The following FHAD1 variants were observed in gnomAD, a reference collection of about 807,000 sequenced individuals.
FHAD1 encodes forkhead-associated domain-containing protein 1.
Under a neutral mutation model 191.3 loss-of-function variants are expected in FHAD1, and 146 were observed. The ratio of observed to expected loss-of-function variants is 0.76; its 90% confidence interval spans 0.67 to 0.88. The LOEUF is 0.88. FHAD1 is among the 40% of genes least tolerant of loss of function. FHAD1 has a pLI of 0.00. For synonymous variants in FHAD1, 616 were observed against 672.3 expected (o/e 0.92, Z 1.29); for missense variants, 1,635 against 1,785.8 (o/e 0.92, Z 1.52).
chr1:15,270,210 C>T (rs1242289495), intron 2 of FHAD1, among the ~76,000 whole-genome samples: 3 of 152,238 alleles, frequency 2.0e-5, no homozygotes, highest in Non-Finnish European at 1.5e-5. Context: ...CACACCTGGC[C>T]TAATGCTTCT....
At chr1:15,288,912 T>C (rs925748031) in intron 3 of FHAD1, among the ~76,000 whole-genome samples, 1 of 152,180 alleles carries the variant, frequency 6.6e-6, no homozygotes, top group East Asian at 1.9e-4. Context: ...TGCCGTGTGG[T>C]CCAGGCAAGG....
intron 26 of FHAD1, among the ~76,000 whole-genome samples, chr1:15,371,369 G>A (rs957097527): frequency 2.0e-5 from 3 of 152,152 alleles, no homozygotes; most frequent in Non-Finnish European, 4.4e-5. Flanking sequence ...GACGGGGGAG[G>A]GAGACTGCAA....
chr1:15,382,731 G>A (rs947026724), intron 31 of FHAD1, among the ~76,000 whole-genome samples: 3 of 152,166 alleles, frequency 2.0e-5, no homozygotes, highest in Admixed American at 1.3e-4. Context: ...GAAGGCTGTC[G>A]AGGCTGTGCA....
At chr1:15,393,112 T>C (rs1704666980) in intron 33 of FHAD1, 1 of 149,844 alleles carries the variant, frequency 6.7e-6, no homozygotes, top group African/African-American at 2.5e-5. Flanking sequence ...TCTTGCTCTA[T>C]TGCCCAGGCT....
At chr1:15,246,405 T>C (rs554843375), upstream of FHAD1, among the ~76,000 whole-genome samples, 1 of 143,432 alleles carries the variant, frequency 7.0e-6, no homozygotes, top group East Asian at 1.9e-4. Context: ...TTGAGGTGTC[T>C]GGTCAGCCAT....
intron 4 of FHAD1, among the ~76,000 whole-genome samples, chr1:15,293,573 C>T (rs1453736586): frequency 3.3e-5 from 5 of 152,222 alleles, no homozygotes; most frequent in Non-Finnish European, 7.4e-5. Flanking sequence ...CAAAAATTAG[C>T]TGGGTGTGGT....
At chr1:15,363,916 C>G in intron 23 of FHAD1, 1 of 385,232 alleles carries the variant, frequency 2.6e-6, no homozygotes, top group Non-Finnish European at 5.1e-6. Context: ...GCACCAAATC[C>G]TAGTGACCGA....
intron 26 of FHAD1, among the ~76,000 whole-genome samples, chr1:15,369,777 G>A (rs1448396554): frequency 6.6e-6 from 1 of 152,172 alleles, no homozygotes; most frequent in Non-Finnish European, 1.5e-5. Flanking sequence ...TGAAGATCAG[G>A]TGTGGATTCG....
chr1:15,251,924 T>C, intron 2 of FHAD1, 47 bp downstream of exon 2: 1 of 1,467,146 alleles, frequency 6.8e-7, no homozygotes. Flanking sequence ...GACCCCTTCC[T>C]TCTCCCTCTC....
intron 11 of FHAD1, 189 bp from the exon 12 acceptor site, chr1:15,326,870 C>G (rs750479543): frequency 1.1e-4 from 65 of 569,002 alleles, no homozygotes; most frequent in Non-Finnish European, 1.5e-4. Context: ...TAATTAAAGC[C>G]TGCTGTTCTC....
At position 15,377,626 on chromosome 1, in the gene FHAD1, C is replaced by G. The variant is rs376791315; in HGVS notation, c.3705+1896C>G. The stretch of plus-strand genomic sequence containing the variant: ...GCCAAGGCGGGCAGATCACTTTGAG[C>G]TCAGGAGTTCGAGACCAGCCTGGGC... On this transcript the variant is annotated intron_variant, in intron 28 of 33. Coordinates refer to ENST00000688493, the MANE Select transcript of FHAD1 (RefSeq NM_001391957.1). Among the ~76,000 whole-genome samples the G allele has an allele frequency of 4.9e-4, 74 of 152,166 alleles. No individual in the cohort carries two copies. In the East Asian group the frequency reaches 7.8e-3, roughly 16 times the overall value.
intron 1 of FHAD1, among the ~76,000 whole-genome samples, chr1:15,241,051 T>C (rs1196110579): frequency 6.6e-6 from 1 of 151,854 alleles, no homozygotes; most frequent in Admixed American, 6.6e-5. Context: ...GGCCAGCTCC[T>C]TGATTGCAGC....
chr1:15,379,844 G>A (rs1376128985), intron 28 of FHAD1, among the ~76,000 whole-genome samples: 2 of 152,160 alleles, frequency 1.3e-5, no homozygotes, highest in African/African-American at 2.4e-5. Flanking sequence ...CAGAGAGCAC[G>A]GGGTTGGGGG....
At chr1:15,346,016 CG>C (rs1474764708) in intron 18 of FHAD1, among the ~76,000 whole-genome samples, 10 of 152,148 alleles carry the variant, frequency 6.6e-5, no homozygotes, top group Admixed American at 3.9e-4. Context: ...TCTTACGCCC[CG>C]GAGGAGTATC....
chr1:15,328,478 G>T (rs1331885411), intron 13 of FHAD1, 49 bp downstream of exon 13: 1 of 1,341,784 alleles, frequency 7.5e-7, no homozygotes, highest in South Asian at 2.0e-5. Context: ...TCTAATTTTT[G>T]TGCGGCTTAT....
At chr1:15,350,927 T>C (rs181026363) in intron 19 of FHAD1, among the ~76,000 whole-genome samples, 4 of 152,178 alleles carry the variant, frequency 2.6e-5, no homozygotes, top group Non-Finnish European at 4.4e-5. Context: ...AGGGGTGGGA[T>C]CCAAACTATG....
chr1:15,286,382 A>G (rs934574280), intron 3 of FHAD1, among the ~76,000 whole-genome samples: 2 of 152,236 alleles, frequency 1.3e-5, no homozygotes, highest in African/African-American at 4.8e-5. Flanking sequence ...CTGCGTCTAT[A>G]GTCCAAGCTA....
chr1:15,388,686 C>T (rs1280759627), intron 32 of FHAD1, among the ~76,000 whole-genome samples: 2 of 152,046 alleles, frequency 1.3e-5, no homozygotes, highest in Non-Finnish European at 2.9e-5. Flanking sequence ...TGTTTTACTC[C>T]GACCTTCCTG....
At position 15,289,714 on chromosome 1, in the gene FHAD1, T is replaced by C. The variant is rs1248595786; in HGVS notation, c.568+48T>C. On this transcript the variant is annotated intron_variant, in intron 4 of 33. Transcript: ENST00000688493. This position sits in a 1 kb window ranked among gnomAD's most constrained non-coding sequence, Gnocchi z 4.2. ...GTGGCTTGGGGGTGGTTCACGGCCA[T>C]GTGGATGGGTCTTGGTTTTGGTTTA... The C allele has an allele frequency of 4.0e-6, 6 of 1,511,552 alleles. No homozygotes were observed. In the East Asian group the frequency reaches 1.0e-4, roughly 25 times the overall value. The allele number at this position is 1,511,552 out of a possible 1,614,324, so 93.6% of individuals were successfully genotyped here.
Sources: gnomAD v4.1 joint callset for allele counts (sites outside exome capture counted in the v4.1 genomes callset) on GRCh38, gnomAD v4.1.1 for gene constraint, Gnocchi (gnomAD v3.1) non-coding constraint, MANE v1.5 for transcripts, NCBI Gene and HGNC (gene_info 2026-07-23, HGNC 2026-07-21) for gene names.